Variants in TNS3 observed in about 807,000 individuals in gnomAD.
The protein encoded by TNS3 is tensin 3, also known as tensin-3.
In TNS3, 45 loss-of-function variants were observed where a neutral mutation model predicts 140.9. The ratio of observed to expected loss-of-function variants is 0.32; its 90% CI spans 0.25 to 0.41. The LOEUF (loss-of-function observed/expected upper bound fraction) is 0.41, where lower values mean the gene tolerates loss of function less well. Among genes scored for constraint, TNS3 ranks in the 10% least tolerant of loss-of-function variants. TNS3 has a pLI of 1.00. For missense variants in TNS3, 1,716 were observed against 1,906.7 expected (o/e 0.90, Z 1.86); for synonymous variants, 815 against 788.4 (o/e 1.03, Z -0.56).
In TNS3 at chr7:47,368,927, G is replaced by T; in HGVS notation, c.1719C>A (p.Ser573=). 1 of 1,613,290 alleles carries T rather than the reference G, an allele frequency of 6.2e-7. No individual in the cohort carries two copies. The change falls in exon 17 of 31, where the codon TCC becomes TCA. Residue 573 remains serine, a synonymous_variant. Coordinates refer to ENST00000311160, the MANE Select transcript of TNS3 (RefSeq NM_022748.12). The part of the protein sequence containing the change: ...PQPLLRKPSV[S]AQMQAYGQSS... ...TCTGCCCATAGGCCTGCATCTGGGC[G>T]GACACTGAGGGCTTTCTCAGCAGGG...
At chr7:47,548,470 A>G (rs776286875) in intron 1 of TNS3, among the ~76,000 whole-genome samples, 4 of 152,120 alleles carry the variant, frequency 2.6e-5, no homozygotes, top group African/African-American at 4.8e-5. Context: ...GTCACCACCT[A>G]GCCATAGCCT....
Position 47,383,336 on chromosome 7 carries a change from G to A in TNS3, c.1024+13464C>T, listed in dbSNP as rs181927008. 3.4e-3 allele frequency among the ~76,000 whole-genome samples: 516 copies of A among 152,314 alleles called. 4 individuals are homozygous for A. Among genetic ancestry groups the A allele is most frequent in the South Asian group, 0.018 (88 of 4,812 alleles). On this transcript the variant is annotated intron_variant, in intron 16 of 30. Transcript: ENST00000311160. ...ACGACTCCAGTGAGTGAGATGTCCG[G>A]AATGGGAAACAGAGAGAAGGAAAGT...
At chr7:47,574,892 C>T (rs375078117) in intron 1 of TNS3, among the ~76,000 whole-genome samples, 3 of 152,116 alleles carry the variant, frequency 2.0e-5, no homozygotes, top group African/African-American at 4.8e-5. Flanking sequence ...TAAGGGACAC[C>T]GAGTTTCAGT....
intron 3 of TNS3, chr7:47,481,344 T>G: frequency 2.7e-6 from 1 of 365,284 alleles, no homozygotes; most frequent in Non-Finnish European, 5.0e-6. Context: ...CTGTCATTTT[T>G]GCTAATGTCA....
intron 4 of TNS3, among the ~76,000 whole-genome samples, chr7:47,457,816 A>G (rs951452865): frequency 1.3e-5 from 2 of 152,222 alleles, no homozygotes; most frequent in African/African-American, 4.8e-5. Flanking sequence ...GCTCTGCCCT[A>G]CAGACAGGTT....
At chr7:47,513,905 G>GCTC (rs1044331677) in intron 2 of TNS3, among the ~76,000 whole-genome samples, 1 of 152,198 alleles carries the variant, frequency 6.6e-6, no homozygotes, top group Non-Finnish European at 1.5e-5. Flanking sequence ...AAGAATCCTG[G>GCTC]CTCCCGCTGC....
At chr7:47,345,673 A>AGCTCTCATCTGTG (rs1789293989) in intron 18 of TNS3, among the ~76,000 whole-genome samples, 1 of 152,118 alleles carries the variant, frequency 6.6e-6, no homozygotes, top group Non-Finnish European at 1.5e-5. Flanking sequence ...AAGAGCAAGA[A>AGCTCTCATCTGTG]GCTCTCATCT....
At chr7:47,472,893 GT>G (rs776258924) in intron 4 of TNS3, among the ~76,000 whole-genome samples, 48 of 152,076 alleles carry the variant, frequency 3.2e-4, no homozygotes, top group Non-Finnish European at 5.7e-4. Flanking sequence ...GGAGATGGGG[GT>G]GAGGGTCATC....
intron 26 of TNS3, 143 bp downstream of exon 26, chr7:47,292,685 C>A (rs745579036): frequency 6.5e-5 from 42 of 644,954 alleles, no homozygotes; most frequent in Non-Finnish European, 1.0e-4. Context: ...ACTCATTGGC[C>A]TTTTCTTGGG....
rs182056798 is a variant in TNS3 at position 47,441,699 on chromosome 7, G to A, written c.-23+304C>T. 2.0e-3 allele frequency among the ~76,000 whole-genome samples: 306 copies of A among 152,238 alleles called. 4 individuals are homozygous for A. The highest frequency in any genetic ancestry group is 7.1e-3 in the African/African-American group (293 of 41,520). On this transcript the variant is annotated intron_variant, in intron 5 of 30. Coordinates refer to ENST00000311160, the MANE Select transcript of TNS3 (RefSeq NM_022748.12). The stretch of plus-strand genomic sequence containing the variant: ...GGGCCCCCCTCATCTGCTCTAAAGG[G>A]GCTCTTGCCAGCACACCCTGGAGTC...
intron 1 of TNS3, among the ~76,000 whole-genome samples, chr7:47,539,927 G>A (rs1358433865): frequency 1.3e-5 from 2 of 152,146 alleles, no homozygotes; most frequent in Non-Finnish European, 2.9e-5. Flanking sequence ...GTAAGCTGTA[G>A]CTGAGGGTCT....
At chr7:47,456,220 G>C (rs1442454565) in intron 4 of TNS3, among the ~76,000 whole-genome samples, 1 of 152,196 alleles carries the variant, frequency 6.6e-6, no homozygotes, top group African/African-American at 2.4e-5. Context: ...AGTGGCATCA[G>C]GAGTGGCTCC....
intron 27 of TNS3, among the ~76,000 whole-genome samples, chr7:47,288,921 G>T (rs1279156217): frequency 2.0e-5 from 3 of 152,158 alleles, no homozygotes; most frequent in Non-Finnish European, 4.4e-5. Context: ...GCAGAACATG[G>T]CCGGAAACCC....
At chr7:47,423,690 C>T (rs1198282435) in intron 10 of TNS3, among the ~76,000 whole-genome samples, 1 of 152,230 alleles carries the variant, frequency 6.6e-6, no homozygotes, top group Non-Finnish European at 1.5e-5. Context: ...AGAACAGTTG[C>T]GATAAAGATC....
chr7:47,347,727 G>A (rs1274527010), intron 17 of TNS3, among the ~76,000 whole-genome samples: 3 of 152,064 alleles, frequency 2.0e-5, no homozygotes, highest in Non-Finnish European at 2.9e-5. Flanking sequence ...TCCTCTCTTC[G>A]GTTCCCAGCA....
At chr7:47,526,624 C>A (rs1364579505) in intron 2 of TNS3, among the ~76,000 whole-genome samples, 3 of 152,230 alleles carry the variant, frequency 2.0e-5, no homozygotes, top group Non-Finnish European at 4.4e-5. Flanking sequence ...CCCCACATAG[C>A]ATCTGACAGG....
chr7:47,309,875 T>C (rs1446600541), intron 20 of TNS3, among the ~76,000 whole-genome samples: 3 of 152,202 alleles, frequency 2.0e-5, no homozygotes, highest in Non-Finnish European at 4.4e-5. Flanking sequence ...CTAAGGACAA[T>C]TATGAAAGCT....
At chr7:47,574,997 A>T (rs1800644321) in intron 1 of TNS3, among the ~76,000 whole-genome samples, 2 of 152,202 alleles carry the variant, frequency 1.3e-5, no homozygotes, top group South Asian at 2.1e-4. Context: ...GTTAAACATG[A>T]TTAAAACGAC....
intron 17 of TNS3, among the ~76,000 whole-genome samples, chr7:47,361,731 A>T (rs1326549711): frequency 6.6e-6 from 1 of 152,190 alleles, no homozygotes; most frequent in Non-Finnish European, 1.5e-5. Flanking sequence ...ACAGGTTATC[A>T]GCCATGGGTT....
Sources: allele counts gnomAD v4.1 joint callset (sites outside exome capture counted in the v4.1 genomes callset), GRCh38; gene constraint gnomAD v4.1.1; transcripts MANE v1.5; gene names NCBI Gene and HGNC (gene_info 2026-07-23, HGNC 2026-07-21).